The following ARID2 variants were observed in gnomAD, a reference collection of about 807,000 sequenced individuals.
The protein encoded by ARID2 is AT-rich interactive domain-containing protein 2.
In ARID2, 32 loss-of-function variants were observed where a neutral mutation model predicts 184.6. The ratio of observed to expected loss-of-function variants is 0.17; its 90% CI spans 0.13 to 0.23. The LOEUF (loss-of-function observed/expected upper bound fraction) is 0.23, where lower values mean the gene tolerates loss of function less well. ARID2 is among the 10% of genes least tolerant of loss of function. ARID2 has a pLI of 1.00. For synonymous variants in ARID2, 836 were observed against 772.6 expected, an observed-to-expected ratio of 1.08 and a Z score of -1.36; for missense variants, 1,696 against 2,197.6, an observed-to-expected ratio of 0.77 and a Z score of 4.56.
intron 11 of ARID2, among the ~76,000 whole-genome samples, chr12:45,844,304 C>T (rs1381191598): frequency 6.6e-6 from 1 of 152,170 alleles, no homozygotes; most frequent in Admixed American, 6.5e-5. Context: ...CAGGCATGAG[C>T]CACCATGCCT....
At chr12:45,793,585 C>T (rs958868510) in intron 3 of ARID2, among the ~76,000 whole-genome samples, 30 of 150,296 alleles carry the variant, frequency 2.0e-4, no homozygotes, top group Middle Eastern at 3.5e-3. Flanking sequence ...TATATATATG[C>T]TATATATGTC....
intron 16 of ARID2, among the ~76,000 whole-genome samples, chr12:45,887,645 A>G (rs1344296151): frequency 6.6e-6 from 1 of 152,206 alleles, no homozygotes; most frequent in Non-Finnish European, 1.5e-5. Flanking sequence ...AGGAAAAACA[A>G]CTCAGCAAAG....
At chr12:45,783,437 C>T (rs1230517402) in intron 3 of ARID2, among the ~76,000 whole-genome samples, 1 of 152,138 alleles carries the variant, frequency 6.6e-6, no homozygotes, top group African/African-American at 2.4e-5. Context: ...AGTATTTAAT[C>T]AGAAAACAAA....
intron 3 of ARID2, among the ~76,000 whole-genome samples, chr12:45,761,323 T>A (rs570805991): frequency 6.6e-6 from 1 of 152,348 alleles, no homozygotes; most frequent in South Asian, 2.1e-4. Flanking sequence ...ATTTTTTCCT[T>A]CCCATATTTT....
rs1944533681 is a variant in ARID2, at chr12:45,906,617, AG to A, written c.*1541del. On this transcript the variant is annotated 3_prime_UTR_variant, in exon 21 of 21. Transcript: ENST00000334344. ...AGAATTCTAAATTCAGCTGAAGGCA[AG>A]GTATAACGGTCACCTACCTATTTGA... 4.3e-6 allele frequency: 1 copy of A among 232,382 alleles called. No individual in the cohort carries two copies. Among genetic ancestry groups the A allele is most frequent in the Non-Finnish European group, 8.5e-6 (1 of 117,584 alleles). The allele number at this position is 232,382 out of a possible 1,614,324, so 14.4% of individuals were successfully genotyped here. A position where few individuals can be genotyped will look rare whatever the true frequency, so the allele number is the denominator to read the frequency against.
chr12:45,871,520 C>A lies in ARID2; in HGVS notation c.4922+10571C>A, dbSNP rs1393314937. Among the ~76,000 whole-genome samples, 7 of 152,070 alleles carry A rather than the reference C, an allele frequency of 4.6e-5. No homozygotes were observed. The East Asian group carries it at 1.3e-3, about 29-fold the overall frequency. ...TTGATACAATTTGCTAATATTTTTCCTGAGGATGTTCTCCTCTATATTCAT... is the reference window on the plus strand; with the variant it reads ...TTGATACAATTTGCTAATATTTTTCATGAGGATGTTCTCCTCTATATTCAT... On this transcript the variant is annotated intron_variant, in intron 16 of 20. Transcript: ENST00000334344.
intron 6 of ARID2, among the ~76,000 whole-genome samples, chr12:45,834,512 A>G (rs891367777): frequency 6.6e-6 from 1 of 152,122 alleles, no homozygotes; most frequent in African/African-American, 2.4e-5. Flanking sequence ...GGAGGCCGAG[A>G]TGGGCGGATC....
At chr12:45,730,505 G>T (rs1479109605) in intron 2 of ARID2, among the ~76,000 whole-genome samples, 1 of 151,714 alleles carries the variant, frequency 6.6e-6, no homozygotes, top group African/African-American at 2.4e-5. Context: ...TCGCGAGTCA[G>T]CTCTGCCGCC....
intron 11 of ARID2, 82 bp downstream of exon 11, chr12:45,839,578 A>T: frequency 6.8e-7 from 1 of 1,464,896 alleles, no homozygotes; most frequent in South Asian, 1.4e-5. Context: ...AATGTGCAGT[A>T]TAGAGAACTG....
chr12:45,882,852 C>T (rs1378636639), intron 16 of ARID2, among the ~76,000 whole-genome samples: 1 of 152,186 alleles, frequency 6.6e-6, no homozygotes, highest in African/African-American at 2.4e-5. Context: ...GGTATTAGCA[C>T]AATGCCTTGC....
At position 45,850,634 on chromosome 12, in the gene ARID2, A is replaced by T. The variant is rs62642494; in HGVS notation, c.2511A>T (p.Ser837=). 1.6e-3 allele frequency: 2,569 copies of T among 1,614,142 alleles called. 33 individuals are homozygous for T. In the African/African-American group the frequency reaches 0.028, roughly 18 times the overall value. Residue 837 remains serine (S), a synonymous_variant, in exon 15 of 21, where the codon TCA becomes TCT. Transcript: ENST00000334344. The stretch of plus-strand genomic sequence containing the variant: ...TGCAAACTTCATCTCAACAGACATC[A>T]GCTGGTAGCCAGTCACAAGATACTG... ...QPVQTSSQQT[S]AGSQSQDTVI...
chr12:45,735,523 C>T (rs1565576371), intron 3 of ARID2, among the ~76,000 whole-genome samples: 6 of 151,466 alleles, frequency 4.0e-5, no homozygotes, highest in South Asian at 2.1e-4. Context: ...GGTATCCTCC[C>T]GCCTCAGCCT....
intron 20 of ARID2, among the ~76,000 whole-genome samples, chr12:45,903,057 A>G (rs1474072815): frequency 2.0e-5 from 3 of 152,104 alleles, no homozygotes; most frequent in Admixed American, 2.0e-4. Flanking sequence ...TCTTTACTCC[A>G]TCCTCCTCTC....
intron 3 of ARID2, among the ~76,000 whole-genome samples, chr12:45,767,512 G>A (rs557070688): frequency 6.6e-6 from 1 of 152,128 alleles, no homozygotes; most frequent in Non-Finnish European, 1.5e-5. Context: ...AGACTGGGCA[G>A]GAATGGCAGG....
At chr12:45,795,703 T>C (rs1475101387) in intron 3 of ARID2, among the ~76,000 whole-genome samples, 1 of 74,928 alleles carries the variant, frequency 1.3e-5, no homozygotes, top group Non-Finnish European at 3.1e-5. Flanking sequence ...CCCAAAGTGC[T>C]GGGATTATAG....
At chr12:45,775,494 G>C (rs777986900) in intron 3 of ARID2, among the ~76,000 whole-genome samples, 7 of 152,154 alleles carry the variant, frequency 4.6e-5, no homozygotes, top group Non-Finnish European at 1.0e-4. Context: ...TCTCTCAGAA[G>C]TTTCTGGATT....
At chr12:45,878,657 C>T (rs1350879868) in intron 16 of ARID2, among the ~76,000 whole-genome samples, 1 of 152,060 alleles carries the variant, frequency 6.6e-6, no homozygotes, top group Non-Finnish European at 1.5e-5. Context: ...TTAGTCTTAG[C>T]ATATTTATTA....
rs2138165466 is a variant in ARID2, at chr12:45,850,835, G to A, written c.2712G>A (p.Gln904=). Residue 904 remains glutamine, a synonymous_variant, in exon 15 of 21, where the codon CAG becomes CAA. Transcript: ENST00000334344. ...QNIAPKPLPS[Q]QVSSTVVQQP... The stretch of plus-strand genomic sequence containing the variant: ...TTGCACCAAAACCTCTCCCTTCTCA[G>A]CAAGTTTCATCTACAGTGGTACAGC... The A allele has an allele frequency of 6.2e-7, 1 of 1,614,078 alleles. No individual in the cohort carries two copies. The highest frequency in any genetic ancestry group is 8.5e-7 in the Non-Finnish European group (1 of 1,180,014).
chr12:45,894,335 C>T (rs954942481), intron 20 of ARID2, among the ~76,000 whole-genome samples: 7 of 152,108 alleles, frequency 4.6e-5, no homozygotes, highest in Non-Finnish European at 1.0e-4. Flanking sequence ...AGTCTTGGGC[C>T]GCCTCTCTGC....
Sources: allele counts gnomAD v4.1 joint callset (sites outside exome capture counted in the v4.1 genomes callset), GRCh38; gene constraint gnomAD v4.1.1; transcripts MANE v1.5; gene names NCBI Gene and HGNC (gene_info 2026-07-23, HGNC 2026-07-21).